Variants in KDM4A observed in about 807,000 individuals in gnomAD.
The protein encoded by KDM4A is lysine demethylase 4A, also known as lysine-specific demethylase 4A.
Under a neutral mutation model 127.1 loss-of-function variants are expected in KDM4A, and 23 were observed. The observed-to-expected ratio is 0.18, with a 90% CI of 0.13 to 0.26. KDM4A has a LOEUF of 0.26. Ranked by LOEUF, KDM4A falls within the 10% of genes least tolerant of loss-of-function variation. The pLI is 1.00. For missense variants in KDM4A, 890 were observed against 1,329.1 expected (o/e 0.67, Z 5.14); for synonymous variants, 443 against 466.5 (o/e 0.95, Z 0.65).
intron 3 of KDM4A, among the ~76,000 whole-genome samples, chr1:43,658,803 G>A (rs1314677956): frequency 6.6e-6 from 1 of 151,958 alleles, no homozygotes; most frequent in African/African-American, 2.4e-5. Flanking sequence ...CTGCTGGCCA[G>A]CTCTGCTAAT....
intron 11 of KDM4A, among the ~76,000 whole-genome samples, chr1:43,674,404 A>C (rs10789442): frequency 0.25 from 37,985 of 152,044 alleles, 5,535 homozygotes; most frequent in Non-Finnish European, 0.33. Flanking sequence ...ATTCGGAACT[A>C]TTTAATTGAT....
chr1:43,694,527 A>AG lies in KDM4A; in HGVS notation c.2485-182_2485-181insG, dbSNP rs1410089632. On this transcript the variant is annotated intron_variant, in intron 17 of 21. Transcript: ENST00000372396. This position sits in a 1 kb window ranked among gnomAD's most constrained non-coding sequence, Gnocchi z 5.2. ...CAAGACTCCGTCTCAAAAAAAAAAA[A>AG]AAAAAAATTTCCTTGGCAGATAAAG... is the stretch of plus-strand genomic sequence containing the variant. Among the ~76,000 whole-genome samples, 4 of 152,122 alleles carry AG rather than the reference A, an allele frequency of 2.6e-5. No individual in the cohort carries two copies. The highest frequency in any genetic ancestry group is 9.6e-5 in the African/African-American group (4 of 41,482).
At chr1:43,668,044 GGCT>G (rs771741125) in intron 9 of KDM4A, 25 bp downstream of exon 9, 2 of 1,612,130 alleles carry the variant, frequency 1.2e-6, no homozygotes. Flanking sequence ...CTTTTGTCCT[GGCT>G]GCGTGAGGGA....
At chr1:43,680,215 A>G (rs1383549457) in intron 11 of KDM4A, among the ~76,000 whole-genome samples, 1 of 152,186 alleles carries the variant, frequency 6.6e-6, no homozygotes, top group Non-Finnish European at 1.5e-5. Flanking sequence ...GCATGACGGT[A>G]GTGGAAAGGG....
Position 43,671,582 on chromosome 1 carries a change from CA to C in KDM4A, c.1443del (p.Ala482GlnfsTer9). On this transcript the variant is annotated frameshift_variant, in exon 11 of 22. Coordinates refer to ENST00000372396, the MANE Select transcript of KDM4A (RefSeq NM_014663.3). LOFTEE classifies it high-confidence loss of function. ...KLEEEDEEEE[Q>X]AAAALDLSVN... Reference sequence around the variant, plus strand: ...AGAAGAGGAGGATGAGGAGGAAGAACAAGCAGCAGCTGCCTTGGATCTTTCT... The same window carrying C: ...AGAAGAGGAGGATGAGGAGGAAGAACAGCAGCAGCTGCCTTGGATCTTTCT... 1 of 1,609,732 alleles carries C rather than the reference CA, an allele frequency of 6.2e-7. No individual in the cohort carries two copies. The highest frequency in any genetic ancestry group is 8.5e-7 in the Non-Finnish European group (1 of 1,178,422).
intron 3 of KDM4A, among the ~76,000 whole-genome samples, chr1:43,656,438 C>T (rs186324294): frequency 6.9e-4 from 97 of 140,036 alleles, no homozygotes; most frequent in African/African-American, 2.5e-3. Flanking sequence ...CCCAGGTTCA[C>T]GTGATTCTCC....
At chr1:43,683,654 G>T in intron 11 of KDM4A, 30 bp from the exon 12 acceptor site, 1 of 1,607,394 alleles carries the variant, frequency 6.2e-7, no homozygotes, top group South Asian at 1.1e-5. Context: ...GTGGAGACAA[G>T]ACCAATTTAA....
chr1:43,661,820 A>C (rs1031981932), intron 4 of KDM4A, among the ~76,000 whole-genome samples: 7 of 152,052 alleles, frequency 4.6e-5, no homozygotes, highest in Non-Finnish European at 1.0e-4. Context: ...ACTCGGGAAA[A>C]GGATATTCCA....
Position 43,704,513 on chromosome 1 carries a change from C to T in KDM4A, c.*143C>T. On this transcript the variant is annotated 3_prime_UTR_variant, in exon 22 of 22. Transcript: ENST00000372396. ...TGAAATAACCGACCCATCATCTTCTCACCCACCCTCATTGCATTCCGCTGT... is the reference window on the plus strand; with the variant it reads ...TGAAATAACCGACCCATCATCTTCTTACCCACCCTCATTGCATTCCGCTGT... 1.1e-6 allele frequency: 1 copy of T among 886,528 alleles called. No individual in the cohort carries two copies. Among genetic ancestry groups the T allele is most frequent in the Non-Finnish European group, 1.7e-6 (1 of 581,060 alleles). The allele number at this position is 886,528 out of a possible 1,614,324, so 54.9% of individuals were successfully genotyped here.
At chr1:43,667,688 T>G in intron 8 of KDM4A, 84 bp from the exon 9 acceptor site, 1 of 1,550,932 alleles carries the variant, frequency 6.4e-7, no homozygotes, top group Non-Finnish European at 8.8e-7. Flanking sequence ...CTTGTTTCCA[T>G]GTGGAGGGAG....
chr1:43,665,820 T>G (rs1244965859), intron 6 of KDM4A, 75 bp downstream of exon 6: 24 of 1,465,374 alleles, frequency 1.6e-5, no homozygotes, highest in Non-Finnish European at 1.3e-5. Context: ...AAAATGTGCG[T>G]TCCCCATGGT....
chr1:43,691,290 G>T (rs1290699509), intron 14 of KDM4A, among the ~76,000 whole-genome samples: 1 of 152,186 alleles, frequency 6.6e-6, no homozygotes, highest in Non-Finnish European at 1.5e-5. Flanking sequence ...CTAGGTGTTT[G>T]TACCAGTGAA....
chr1:43,704,651 A>T lies in KDM4A; in HGVS notation c.*281A>T. 4.7e-6 allele frequency: 2 copies of T among 429,380 alleles called. No homozygotes were observed. Among genetic ancestry groups the T allele is most frequent in the South Asian group, 5.5e-5 (2 of 36,306 alleles). 26.6% of individuals were successfully genotyped at this position (429,380 alleles called of 1,614,324 possible). ...CTGGCCCCAGTCCATAGAGGGGTCA[A>T]CTATGCTGGCTGGACTGGCTGCCTT... On this transcript the variant is annotated 3_prime_UTR_variant, in exon 22 of 22. Transcript: ENST00000372396.
intron 1 of KDM4A, among the ~76,000 whole-genome samples, chr1:43,651,972 C>A (rs569850268): frequency 1.1e-4 from 16 of 152,328 alleles, no homozygotes; most frequent in Non-Finnish European, 8.8e-5. Context: ...TTAGTTTCAA[C>A]AGAACAGTTT....
chr1:43,680,212 G>A (rs907709652), intron 11 of KDM4A, among the ~76,000 whole-genome samples: 3 of 152,162 alleles, frequency 2.0e-5, no homozygotes, highest in Non-Finnish European at 2.9e-5. Context: ...GCAGCATGAC[G>A]GTAGTGGAAA....
chr1:43,672,037 CAAACAAA>C (rs1660631485), intron 11 of KDM4A, among the ~76,000 whole-genome samples, 162 bp downstream of exon 11: 1 of 152,126 alleles, frequency 6.6e-6, no homozygotes, highest in African/African-American at 2.4e-5. Flanking sequence ...GTGGTTGTGT[CAAACAAA>C]AGCCTGGGGT....
rs116445815 is a variant in KDM4A, at chr1:43,684,734, T to C, written c.1855+930T>C. Among the ~76,000 whole-genome samples, 1,280 of 152,252 alleles carry C rather than the reference T, an allele frequency of 8.4e-3. 16 individuals carry two copies. Among genetic ancestry groups the C allele is most frequent in the African/African-American group, 0.029 (1,217 of 41,534 alleles). ...TACTGGCATTCAGGAGCCAGTGACATGTTTTAAGCAGAGGAATGACAGAGT... is the reference window on the plus strand; with the variant it reads ...TACTGGCATTCAGGAGCCAGTGACACGTTTTAAGCAGAGGAATGACAGAGT... On this transcript the variant is annotated intron_variant, in intron 12 of 21. Coordinates refer to ENST00000372396, the MANE Select transcript of KDM4A (RefSeq NM_014663.3).
At chr1:43,700,137 G>T (rs1472977816) in intron 19 of KDM4A, 5 of 152,000 alleles carry the variant, frequency 3.3e-5, no homozygotes, top group East Asian at 1.9e-4. Context: ...GTTTGTTTTT[G>T]TTTTTTTAAA....
intron 9 of KDM4A, among the ~76,000 whole-genome samples, chr1:43,668,697 T>C (rs1218492284): frequency 6.6e-6 from 1 of 152,152 alleles, no homozygotes; most frequent in Non-Finnish European, 1.5e-5. Context: ...TCAAGGGCAT[T>C]GGTAATGTCG....
Sources: allele counts gnomAD v4.1 joint callset (sites outside exome capture counted in the v4.1 genomes callset), GRCh38; gene constraint gnomAD v4.1.1; non-coding constraint Gnocchi (gnomAD v3.1); transcripts MANE v1.5; gene names NCBI Gene and HGNC (gene_info 2026-07-23, HGNC 2026-07-21).